The following TBC1D9 variants were observed in gnomAD, a reference collection of about 807,000 sequenced individuals.
TBC1D9 encodes TBC1 domain family member 9, also known as TBC1 domain family member 9A.
In TBC1D9, 63 loss-of-function variants were observed where a neutral mutation model predicts 132.0. The observed-to-expected ratio is 0.48, with a 90% CI of 0.39 to 0.59. TBC1D9 has a LOEUF of 0.59. Ranked by LOEUF, TBC1D9 falls within the 20% of genes least tolerant of loss-of-function variation. The pLI is 0.00. For synonymous variants in TBC1D9, 610 were observed against 609.9 expected, an observed-to-expected ratio of 1.00 and a Z score of 0.00; for missense variants, 1,261 against 1,592.7, an observed-to-expected ratio of 0.79 and a Z score of 3.54.
intron 1 of TBC1D9, among the ~76,000 whole-genome samples, chr4:140,713,891 C>G (rs1560893854): frequency 1.3e-5 from 2 of 151,988 alleles, no homozygotes; most frequent in African/African-American, 4.8e-5. Flanking sequence ...AAAGTAATTG[C>G]AGTTTTTAAT....
chr4:140,631,235 T>A (rs1213846488), intron 16 of TBC1D9, among the ~76,000 whole-genome samples: 2 of 152,230 alleles, frequency 1.3e-5, no homozygotes, highest in Non-Finnish European at 2.9e-5. Context: ...ATTTCTTTGT[T>A]TGTTTGAGAT....
At chr4:140,690,615 C>T (rs915486585) in intron 2 of TBC1D9, among the ~76,000 whole-genome samples, 4 of 152,120 alleles carry the variant, frequency 2.6e-5, no homozygotes, top group African/African-American at 9.7e-5. Flanking sequence ...CCATAAGTCT[C>T]AGGATCTTCA....
At position 140,639,587 on chromosome 4, in the gene TBC1D9, C is replaced by T. The variant is rs537395886; in HGVS notation, c.2338-159G>A. The stretch of plus-strand genomic sequence containing the variant: ...CCTTTAGCTACTGTTTTAAAGCCAC[C>T]GAGCAATCAGAAATAAATATCTGGA... On this transcript the variant is annotated intron_variant, in intron 13 of 20. Transcript: ENST00000442267. Among the ~76,000 whole-genome samples, 3 of 149,284 alleles carry T rather than the reference C, an allele frequency of 2.0e-5. No homozygotes were observed. The highest frequency in any genetic ancestry group is 3.9e-4 in the East Asian group (2 of 5,148).
chr4:140,637,311 C>G (rs1413098502), intron 15 of TBC1D9, among the ~76,000 whole-genome samples: 1 of 151,864 alleles, frequency 6.6e-6, no homozygotes, highest in African/African-American at 2.4e-5. Flanking sequence ...GATCGTGTCA[C>G]TGCACTCCAG....
At chr4:140,639,483 C>G in intron 13 of TBC1D9, 55 bp from the exon 14 acceptor site, 4 of 1,251,698 alleles carry the variant, frequency 3.2e-6, no homozygotes, top group East Asian at 2.4e-5. Context: ...CACACAATGT[C>G]CTGTCTGCAG....
chr4:140,654,448 A>G lies in TBC1D9; in HGVS notation c.2337+2649T>C, dbSNP rs188443396. 6.0e-3 allele frequency among the ~76,000 whole-genome samples: 813 copies of G among 135,868 alleles called. 12 individuals are homozygous for G. The highest frequency in any genetic ancestry group is 0.02 in the African/African-American group (759 of 38,026). The allele number at this position is 135,868 out of a possible 152,430, so 89.1% of individuals were successfully genotyped here. ...CTAGGCATCTAACAAAAGAAAAAAG[A>G]AAAAAGGAGAAAAAGAAGAAAGGGG... is the stretch of plus-strand genomic sequence containing the variant. On this transcript the variant is annotated intron_variant, in intron 13 of 20. Transcript: ENST00000442267.
intron 11 of TBC1D9, among the ~76,000 whole-genome samples, chr4:140,659,039 T>C (rs1312511003): frequency 2.6e-5 from 4 of 152,050 alleles, no homozygotes; most frequent in Non-Finnish European, 4.4e-5. Flanking sequence ...ACCCAAGCAA[T>C]GAAAAGCTTG....
intron 1 of TBC1D9, among the ~76,000 whole-genome samples, chr4:140,711,217 C>T (rs1738238040): frequency 6.6e-6 from 1 of 152,176 alleles, no homozygotes; most frequent in Admixed American, 6.5e-5. Flanking sequence ...CTTAGATTTA[C>T]AGCTGCTTCT....
chr4:140,722,671 CTA>C (rs1344844240), intron 1 of TBC1D9, among the ~76,000 whole-genome samples: 1 of 152,192 alleles, frequency 6.6e-6, no homozygotes, highest in Non-Finnish European at 1.5e-5. Flanking sequence ...CCCTTGTAAA[CTA>C]TCTTTTTACT....
chr4:140,644,195 C>A, intron 13 of TBC1D9: 1 of 338,672 alleles, frequency 3.0e-6, no homozygotes, highest in Non-Finnish European at 5.7e-6. Flanking sequence ...ACCTGGGCGG[C>A]ATATCTGAGA....
chr4:140,725,327 C>T (rs1013024900), intron 1 of TBC1D9, among the ~76,000 whole-genome samples: 9 of 152,122 alleles, frequency 5.9e-5, no homozygotes, highest in Non-Finnish European at 8.8e-5. Flanking sequence ...ACCCTGAGAA[C>T]GACCCTGTAT....
chr4:140,701,666 C>T, intron 1 of TBC1D9, 52 bp from the exon 2 acceptor site: 1 of 1,418,124 alleles, frequency 7.1e-7, no homozygotes, highest in Non-Finnish European at 9.9e-7. Context: ...AGTACTTTCC[C>T]ACATTCCCAG....
intron 1 of TBC1D9, among the ~76,000 whole-genome samples, chr4:140,736,620 G>C (rs1217227274): frequency 6.6e-6 from 1 of 152,080 alleles, no homozygotes; most frequent in Non-Finnish European, 1.5e-5. Context: ...CACTCAAGCA[G>C]AGCCATATTT....
intron 16 of TBC1D9, among the ~76,000 whole-genome samples, chr4:140,633,504 G>A (rs747784839): frequency 6.6e-6 from 1 of 152,112 alleles, no homozygotes; most frequent in Non-Finnish European, 1.5e-5. Context: ...AGGCCGCAGG[G>A]CTGCTGTGAT....
rs1006766795 is a variant in TBC1D9, at chr4:140,738,704, A to G, written c.130+17212T>C. ...TATTTGTCTTCTTTGTTGAACATTC[A>G]TACAAACAAGTCTTTCCTTGTCTAG... On this transcript the variant is annotated intron_variant, in intron 1 of 20. Coordinates refer to ENST00000442267, the MANE Select transcript of TBC1D9 (RefSeq NM_015130.3). Among the ~76,000 whole-genome samples, 10 of 152,282 alleles carry G rather than the reference A, an allele frequency of 6.6e-5. No individual in the cohort carries two copies. In the East Asian group the frequency reaches 1.9e-3, roughly 29 times the overall value.
intron 1 of TBC1D9, among the ~76,000 whole-genome samples, chr4:140,732,537 G>C (rs1037383074): frequency 6.6e-6 from 1 of 152,176 alleles, no homozygotes; most frequent in African/African-American, 2.4e-5. Flanking sequence ...TGTTCTCCAA[G>C]TCCTAAATAA....
chr4:140,687,344 A>G (rs1222977198), intron 2 of TBC1D9, among the ~76,000 whole-genome samples: 25 of 4,404 alleles, frequency 5.7e-3, no homozygotes, highest in African/African-American at 0.017. Flanking sequence ...TGTGTGTGTC[A>G]TATATATATA....
chr4:140,729,765 A>C (rs1738558021), intron 1 of TBC1D9, among the ~76,000 whole-genome samples: 1 of 128,452 alleles, frequency 7.8e-6, no homozygotes, highest in Non-Finnish European at 1.6e-5. Context: ...GGTTGCAATG[A>C]GCCGAGATTG....
rs35283552 is a variant in TBC1D9, at chr4:140,729,818, CAAAAAAA to C, written c.130+26091_130+26097del. Among the ~76,000 whole-genome samples, 30 of 51,918 alleles carry C rather than the reference CAAAAAAA, an allele frequency of 5.8e-4. No individual in the cohort carries two copies. In the East Asian group the frequency reaches 0.013, roughly 23 times the overall value. The allele number at this position is 51,918 out of a possible 152,430, so 34.1% of individuals were successfully genotyped here. On this transcript the variant is annotated intron_variant, in intron 1 of 20. Coordinates refer to ENST00000442267, the MANE Select transcript of TBC1D9 (RefSeq NM_015130.3). Reference sequence around the variant, plus strand: ...CTGGTGACAGAGCAAGATTCCATCTCAAAAAAAAAAAAAAAAAAAAAAAAAAATCCCC... The same window carrying C: ...CTGGTGACAGAGCAAGATTCCATCTCAAAAAAAAAAAAAAAAAAAATCCCC...
Sources: gnomAD v4.1 joint callset for allele counts (sites outside exome capture counted in the v4.1 genomes callset) on GRCh38, gnomAD v4.1.1 for gene constraint, MANE v1.5 for transcripts, NCBI Gene and HGNC (gene_info 2026-07-23, HGNC 2026-07-21) for gene names.